The following DTD1 variants were observed in gnomAD, a reference collection of about 807,000 sequenced individuals.
The protein encoded by DTD1 is D-tyrosyl-tRNA deacylase 1 homolog.
Under a neutral mutation model 25.6 loss-of-function variants are expected in DTD1, and 13 were observed. That is an observed-to-expected ratio of 0.51 (90% CI 0.33 to 0.81). The LOEUF is 0.81. Ranked by LOEUF, DTD1 falls within the 30% of genes least tolerant of loss-of-function variation. The pLI is 0.02. For synonymous variants in DTD1, 110 were observed against 103.6 expected (o/e 1.06, Z -0.37); for missense variants, 193 against 266.4 (o/e 0.72, Z 1.92).
intron 4 of DTD1, among the ~76,000 whole-genome samples, 200 bp downstream of exon 4, chr20:18,628,433 T>C (rs984327975): frequency 4.6e-5 from 7 of 152,208 alleles, no homozygotes; most frequent in Non-Finnish European, 1.0e-4. Flanking sequence ...CTCCCTTGCC[T>C]CGTCCTGCCT....
intron 4 of DTD1, among the ~76,000 whole-genome samples, chr20:18,719,486 A>G (rs1416090325): frequency 1.3e-5 from 2 of 152,232 alleles, no homozygotes; most frequent in African/African-American, 4.8e-5. Flanking sequence ...GAGCCTTTAC[A>G]TGAAATGGGA....
chr20:18,640,805 A>T (rs2060825281), intron 4 of DTD1, among the ~76,000 whole-genome samples: 2 of 151,798 alleles, frequency 1.3e-5, no homozygotes, highest in African/African-American at 4.8e-5. Flanking sequence ...TAATTTTTGT[A>T]TTTTTAGTAG....
intron 4 of DTD1, among the ~76,000 whole-genome samples, chr20:18,680,248 A>G (rs966652484): frequency 6.6e-6 from 1 of 152,106 alleles, no homozygotes; most frequent in Non-Finnish European, 1.5e-5. Flanking sequence ...GCAGTGGCAC[A>G]ATCATGGGTC....
intron 4 of DTD1, among the ~76,000 whole-genome samples, chr20:18,708,223 A>ATAT (rs1166421501): frequency 0.03 from 197 of 6,514 alleles, no homozygotes; most frequent in Non-Finnish European, 0.052. Context: ...TATATAATAT[A>ATAT]TATATATTTT....
At chr20:18,756,927 T>G (rs200170541) in intron 5 of DTD1, among the ~76,000 whole-genome samples, 12,787 of 136,832 alleles carry the variant, frequency 0.093, 636 homozygotes, top group East Asian at 0.14. Context: ...CCATTTGTTT[T>G]TATCCTCTTT....
chr20:18,640,503 T>A (rs922490435), intron 4 of DTD1, among the ~76,000 whole-genome samples: 1 of 152,188 alleles, frequency 6.6e-6, no homozygotes, highest in African/African-American at 2.4e-5. Context: ...TGGGTGGGTA[T>A]ATGTCAGAAG....
At chr20:18,670,320 G>A (rs2060947483) in intron 4 of DTD1, among the ~76,000 whole-genome samples, 1 of 152,158 alleles carries the variant, frequency 6.6e-6, no homozygotes. Context: ...GCTGGGTATG[G>A]TAGTGCACGC....
intron 5 of DTD1, among the ~76,000 whole-genome samples, chr20:18,761,621 G>A (rs1253108171): frequency 2.0e-5 from 3 of 152,092 alleles, no homozygotes; most frequent in Non-Finnish European, 4.4e-5. Context: ...GAATATTGTA[G>A]AATATTTAAT....
chr20:18,622,628 T>A (rs185417740), intron 3 of DTD1, among the ~76,000 whole-genome samples: 1 of 152,316 alleles, frequency 6.6e-6, no homozygotes, highest in African/African-American at 2.4e-5. Flanking sequence ...TAGTGTAGAA[T>A]TTTTGCATCT....
At chr20:18,748,433 A>G (rs2061309194) in intron 5 of DTD1, among the ~76,000 whole-genome samples, 3 of 152,198 alleles carry the variant, frequency 2.0e-5, no homozygotes, top group Admixed American at 1.3e-4. Context: ...TAACAACTTA[A>G]AGACTTCCAT....
intron 4 of DTD1, among the ~76,000 whole-genome samples, chr20:18,696,991 G>C (rs2061079918): frequency 6.6e-6 from 1 of 151,894 alleles, no homozygotes; most frequent in Non-Finnish European, 1.5e-5. Context: ...CCAGGACTTT[G>C]GGTGGCAGAG....
At chr20:18,738,695 G>A (rs1191863473) in intron 4 of DTD1, among the ~76,000 whole-genome samples, 2 of 152,196 alleles carry the variant, frequency 1.3e-5, no homozygotes, top group Admixed American at 1.3e-4. Flanking sequence ...CACATGCCAT[G>A]TGACAGGAGA....
intron 3 of DTD1, among the ~76,000 whole-genome samples, chr20:18,608,157 A>G (rs1366820075): frequency 2.0e-5 from 3 of 152,090 alleles, no homozygotes; most frequent in Non-Finnish European, 1.5e-5. Flanking sequence ...TTGTGGATAT[A>G]GAGTTGTTCG....
At chr20:18,718,525 C>A (rs1412089680) in intron 4 of DTD1, among the ~76,000 whole-genome samples, 4 of 152,194 alleles carry the variant, frequency 2.6e-5, no homozygotes, top group African/African-American at 9.7e-5. Flanking sequence ...GGGCAACAAT[C>A]ATCTGTGTAA....
chr20:18,605,828 A>G (rs1321720640), intron 3 of DTD1, among the ~76,000 whole-genome samples: 1 of 146,028 alleles, frequency 6.8e-6, no homozygotes, highest in African/African-American at 2.6e-5. Flanking sequence ...AAAACCCTAG[A>G]AGAAAACCTA....
intron 4 of DTD1, among the ~76,000 whole-genome samples, chr20:18,673,642 C>T (rs1243023685): frequency 6.6e-6 from 1 of 152,012 alleles, no homozygotes; most frequent in African/African-American, 2.4e-5. Context: ...AAAAAAATAC[C>T]CTTACAGGAG....
intron 4 of DTD1, among the ~76,000 whole-genome samples, chr20:18,693,502 CA>C (rs1300570552): frequency 2.0e-5 from 3 of 151,628 alleles, no homozygotes; most frequent in Non-Finnish European, 4.4e-5. Flanking sequence ...ACTAAAACTA[CA>C]AAAATTAGCT....
At chr20:18,708,575 C>G (rs906524068) in intron 4 of DTD1, among the ~76,000 whole-genome samples, 1 of 150,898 alleles carries the variant, frequency 6.6e-6, no homozygotes, top group Non-Finnish European at 1.5e-5. Flanking sequence ...AGGCTGGTCT[C>G]AAACTTCTGA....
At chr20:18,649,175 C>T (rs903971232) in intron 4 of DTD1, among the ~76,000 whole-genome samples, 1 of 151,594 alleles carries the variant, frequency 6.6e-6, no homozygotes. Flanking sequence ...TTGTTCAGTT[C>T]ACTGATGAGT....
Sources: allele counts gnomAD v4.1 joint callset (sites outside exome capture counted in the v4.1 genomes callset), GRCh38; gene constraint gnomAD v4.1.1; transcripts MANE v1.5; gene names NCBI Gene and HGNC (gene_info 2026-07-23, HGNC 2026-07-21).